ADAMTS18: variants seen among roughly 807,000 people sequenced by gnomAD.
ADAMTS18 encodes A disintegrin and metalloproteinase with thrombospondin motifs 18.
A neutral mutation model predicts 165.9 loss-of-function variants in ADAMTS18; 157 were observed. The observed-to-expected ratio is 0.95, with a 90% CI of 0.83 to 1.08. The LOEUF is 1.08. Among genes scored for constraint, ADAMTS18 ranks in the 50% least tolerant of loss-of-function variants. The pLI is 0.00. For missense variants in ADAMTS18, 2,040 were observed against 1,534.0 expected, an observed-to-expected ratio of 1.33 and a Z score of -5.51; for synonymous variants, 782 against 578.2, an observed-to-expected ratio of 1.35 and a Z score of -5.06.
intron 3 of ADAMTS18, among the ~76,000 whole-genome samples, chr16:77,418,856 A>T (rs898222366): frequency 6.6e-6 from 1 of 152,212 alleles, no homozygotes; most frequent in East Asian, 1.9e-4. Flanking sequence ...CAGCTTAAAA[A>T]CACCCAATTA....
intron 3 of ADAMTS18, among the ~76,000 whole-genome samples, chr16:77,417,132 T>A (rs2057540720): frequency 9.0e-6 from 1 of 111,004 alleles, no homozygotes; most frequent in Non-Finnish European, 2.2e-5. Flanking sequence ...TCATTACTGC[T>A]CACCCTCACA....
At chr16:77,335,993 AC>A (rs1257013344) in intron 11 of ADAMTS18, 89 bp from the exon 12 acceptor site, 2 of 1,524,678 alleles carry the variant, frequency 1.3e-6, no homozygotes, top group Non-Finnish European at 1.8e-6. Flanking sequence ...AACAGGAAAA[AC>A]AGGTCTGTTG....
At chr16:77,367,372 C>A in intron 4 of ADAMTS18, 69 bp downstream of exon 4, 1 of 1,594,528 alleles carries the variant, frequency 6.3e-7, no homozygotes, top group Non-Finnish European at 8.6e-7. Context: ...GCTTGTACAC[C>A]CAACAGCACT....
At chr16:77,326,691 T>C (rs1359353942) in intron 12 of ADAMTS18, among the ~76,000 whole-genome samples, 2 of 152,222 alleles carry the variant, frequency 1.3e-5, no homozygotes, top group African/African-American at 4.8e-5. Context: ...CCTGAAAGGA[T>C]ATTCTTTTGT....
At chr16:77,427,228 T>A (rs75387011) in intron 3 of ADAMTS18, among the ~76,000 whole-genome samples, 2,198 of 152,292 alleles carry the variant, frequency 0.014, 52 homozygotes, top group African/African-American at 0.05. Context: ...ATCATAGTTG[T>A]TCACACTCTG....
At chr16:77,287,807 C>T (rs2055282381) in intron 22 of ADAMTS18, among the ~76,000 whole-genome samples, 1 of 152,122 alleles carries the variant, frequency 6.6e-6, no homozygotes, top group South Asian at 2.1e-4. Flanking sequence ...CTCATATGCA[C>T]CCTATGACTC....
intron 8 of ADAMTS18, among the ~76,000 whole-genome samples, chr16:77,357,583 T>C (rs888197244): frequency 9.9e-5 from 15 of 152,006 alleles, no homozygotes; most frequent in Non-Finnish European, 2.2e-4. Flanking sequence ...AGAGATGGGG[T>C]AGGAGAGATT....
rs767465346 is a variant in ADAMTS18, at chr16:77,434,662, G to T, written c.34C>A (p.Pro12Thr). 28 of 1,479,670 alleles carry T rather than the reference G, an allele frequency of 1.9e-5. No homozygotes were observed. Among genetic ancestry groups the T allele is most frequent in the Middle Eastern group, 2.3e-4 (1 of 4,416 alleles). The allele number at this position is 1,479,670 out of a possible 1,614,324, so 91.7% of individuals were successfully genotyped here. ...ECALLLACAFPAAGSGPPRGL... is the reference protein window; with the variant it reads ...ECALLLACAFTAAGSGPPRGL... ...CTCGGCGGGCCCGAACCCGCAGCCG[G>T]GAAGGCACACGCGAGCAGGAGGGCG... is the stretch of plus-strand genomic sequence containing the variant. The change falls in exon 1 of 23, where the codon CCG becomes ACG. Residue 12 changes from proline (P) to threonine (T), a missense_variant. Transcript: ENST00000282849.
At chr16:77,403,054 A>C (rs931935111) in intron 3 of ADAMTS18, among the ~76,000 whole-genome samples, 1 of 152,232 alleles carries the variant, frequency 6.6e-6, no homozygotes, top group Non-Finnish European at 1.5e-5. Flanking sequence ...TGTGCCAAGT[A>C]CTGTTTAAAC....
chr16:77,409,276 T>A (rs2057431094), intron 3 of ADAMTS18, among the ~76,000 whole-genome samples: 1 of 152,172 alleles, frequency 6.6e-6, no homozygotes, highest in African/African-American at 2.4e-5. Context: ...GTATGTAGGA[T>A]TGCAGAAGCA....
At chr16:77,314,753 CATATATATATAT>C (rs36191323) in intron 16 of ADAMTS18, among the ~76,000 whole-genome samples, 838 of 36,938 alleles carry the variant, frequency 0.023, 179 homozygotes, top group Admixed American at 0.12. Context: ...TCTCAGGTTT[CATATATATATAT>C]ATATATATAT....
In ADAMTS18 at chr16:77,341,721, C is replaced by T. The variant is rs544700847; in HGVS notation, c.1693G>A (p.Val565Ile). Residue 565 changes from valine to isoleucine, a missense_variant, in exon 11 of 23, where the codon GTT (valine) becomes ATT (isoleucine). Coordinates refer to ENST00000282849, the MANE Select transcript of ADAMTS18 (RefSeq NM_199355.4). The part of the protein sequence containing the change: ...TKFMPAAEGT[V>I]CGLSMWCRQG... ...CAGTTTACCATACTCAAGCCACAAA[C>T]GGTCCCTTCTGCTGCGGGCATAAAC... 81 of 1,613,520 alleles carry T rather than the reference C, an allele frequency of 5.0e-5. 2 individuals carry two copies. The South Asian group carries it at 5.9e-4, about 12-fold the overall frequency.
At chr16:77,386,595 C>G (rs1048541621) in intron 3 of ADAMTS18, among the ~76,000 whole-genome samples, 3 of 152,166 alleles carry the variant, frequency 2.0e-5, no homozygotes, top group African/African-American at 7.2e-5. Context: ...TTCTGCATCC[C>G]TCATTATATT....
At chr16:77,310,379 A>G (rs274536) in intron 16 of ADAMTS18, among the ~76,000 whole-genome samples, 143,015 of 152,216 alleles carry the variant, frequency 0.94, 67,254 homozygotes, top group African/African-American at 0.97. Flanking sequence ...TAGACACAGT[A>G]GAAGACATTA....
chr16:77,344,095 G>C (rs1166568498), intron 10 of ADAMTS18, among the ~76,000 whole-genome samples: 1 of 147,636 alleles, frequency 6.8e-6, no homozygotes, highest in Non-Finnish European at 1.5e-5. Context: ...AGAAAACATA[G>C]GGAAACCAGA....
At chr16:77,434,345 TTC>T in intron 2 of ADAMTS18, 71 bp downstream of exon 2, 4 of 1,513,770 alleles carry the variant, frequency 2.6e-6, no homozygotes, top group South Asian at 1.2e-5. Context: ...TTTCCATCTT[TTC>T]TCTCTTTGGG....
intron 10 of ADAMTS18, among the ~76,000 whole-genome samples, chr16:77,349,601 C>T (rs2056526645): frequency 6.6e-6 from 1 of 150,428 alleles, no homozygotes. Context: ...CCCTACCCTG[C>T]TCTTACATGA....
At chr16:77,413,977 AT>A (rs2057498002) in intron 3 of ADAMTS18, among the ~76,000 whole-genome samples, 1 of 152,218 alleles carries the variant, frequency 6.6e-6, no homozygotes. Context: ...TGCCATCAGA[AT>A]TGTACAGTTT....
intron 3 of ADAMTS18, among the ~76,000 whole-genome samples, chr16:77,392,687 T>C (rs1363009329): frequency 1.3e-5 from 2 of 152,306 alleles, no homozygotes; most frequent in East Asian, 1.9e-4. Context: ...GCCCTGTTCC[T>C]AGCATAGGGT....
Sources: gnomAD v4.1 joint callset for allele counts (sites outside exome capture counted in the v4.1 genomes callset) on GRCh38, gnomAD v4.1.1 for gene constraint, MANE v1.5 for transcripts, NCBI Gene and HGNC (gene_info 2026-07-23, HGNC 2026-07-21) for gene names.